SNX29: variants seen among roughly 807,000 people sequenced by gnomAD.
SNX29 encodes the protein sorting nexin 29.
Under a neutral mutation model 102.1 loss-of-function variants are expected in SNX29, and 78 were observed. That is an observed-to-expected ratio of 0.76 (90% CI 0.64 to 0.92). SNX29 has a LOEUF of 0.92. Ranked by LOEUF, SNX29 falls within the 40% of genes least tolerant of loss-of-function variation. SNX29 has a pLI of 0.00. For synonymous variants in SNX29, 580 were observed against 414.5 expected (o/e 1.40, Z -4.85); for missense variants, 1,280 against 1,061.7 (o/e 1.21, Z -2.86).
chr16:12,537,946 C>G (rs1279196930), intron 20 of SNX29, among the ~76,000 whole-genome samples: 3 of 147,826 alleles, frequency 2.0e-5, no homozygotes, highest in Non-Finnish European at 3.0e-5. Flanking sequence ...GATCGTGCCA[C>G]TGCACTCCAG....
intron 15 of SNX29, among the ~76,000 whole-genome samples, chr16:12,294,422 G>A (rs1290109757): frequency 2.0e-5 from 3 of 152,068 alleles, no homozygotes; most frequent in African/African-American, 7.2e-5. Context: ...CCCTCCGATG[G>A]GCTGAGAATG....
intron 13 of SNX29, among the ~76,000 whole-genome samples, chr16:12,192,718 T>C (rs369170647): frequency 6.6e-6 from 1 of 152,104 alleles, no homozygotes; most frequent in African/African-American, 2.4e-5. Flanking sequence ...ATTTATTTAT[T>C]TATTGAGACA....
intron 15 of SNX29, among the ~76,000 whole-genome samples, chr16:12,291,624 G>C (rs2079798117): frequency 6.6e-6 from 1 of 152,214 alleles, no homozygotes; most frequent in Admixed American, 6.5e-5. Context: ...AACAGCAAGA[G>C]TCTCTCCATT....
chr16:12,326,135 C>T (rs1050246010), intron 15 of SNX29, among the ~76,000 whole-genome samples: 8 of 151,796 alleles, frequency 5.3e-5, no homozygotes, highest in Non-Finnish European at 8.8e-5. Flanking sequence ...AAGCGATTCT[C>T]GTGCCTGGGA....
At chr16:12,388,599 A>G (rs774827095) in intron 16 of SNX29, among the ~76,000 whole-genome samples, 5 of 152,178 alleles carry the variant, frequency 3.3e-5, no homozygotes, top group African/African-American at 4.8e-5. Context: ...TGTCTCTCTC[A>G]CTGTTACTCC....
At chr16:12,549,805 C>G (rs1262420965) in intron 20 of SNX29, among the ~76,000 whole-genome samples, 1 of 152,246 alleles carries the variant, frequency 6.6e-6, no homozygotes, top group Non-Finnish European at 1.5e-5. Context: ...CCCATCATGG[C>G]TTCTGTGCCC....
intron 15 of SNX29, among the ~76,000 whole-genome samples, chr16:12,317,941 G>T (rs1045784922): frequency 6.6e-6 from 1 of 152,336 alleles, no homozygotes; most frequent in Middle Eastern, 3.4e-3. Flanking sequence ...CATTTCTACC[G>T]GCCTGGGGGA....
chr16:12,168,091 G>C (rs184497194), intron 13 of SNX29, among the ~76,000 whole-genome samples: 53 of 152,314 alleles, frequency 3.5e-4, no homozygotes, highest in South Asian at 2.7e-3. Context: ...GGCGTATTCT[G>C]GTGAGGAGGC....
chr16:12,169,526 T>C (rs930693048), intron 13 of SNX29, among the ~76,000 whole-genome samples: 1 of 152,082 alleles, frequency 6.6e-6, no homozygotes, highest in African/African-American at 2.4e-5. Context: ...CAAGGCAACA[T>C]GGACGTACTG....
intron 15 of SNX29, among the ~76,000 whole-genome samples, chr16:12,305,985 G>A (rs922189287): frequency 2.6e-5 from 4 of 151,776 alleles, no homozygotes; most frequent in Non-Finnish European, 5.9e-5. Context: ...AATAGTCCTC[G>A]TTTTATACTG....
At chr16:12,154,871 C>T (rs949376240) in intron 13 of SNX29, among the ~76,000 whole-genome samples, 1 of 152,232 alleles carries the variant, frequency 6.6e-6, no homozygotes. Context: ...TCATAAAGGG[C>T]TCCACCCTCA....
At chr16:12,320,808 T>C (rs1047166605) in intron 15 of SNX29, among the ~76,000 whole-genome samples, 6 of 152,190 alleles carry the variant, frequency 3.9e-5, no homozygotes, top group Admixed American at 1.3e-4. Flanking sequence ...CTAATCAGAA[T>C]CGTGTTCCAA....
At chr16:12,116,210 C>T (rs1211219322) in intron 11 of SNX29, among the ~76,000 whole-genome samples, 1 of 152,112 alleles carries the variant, frequency 6.6e-6, no homozygotes, top group Non-Finnish European at 1.5e-5. Context: ...GGTACACATC[C>T]AAAAGAACTG....
At chr16:12,190,209 G>A (rs1158992815) in intron 13 of SNX29, among the ~76,000 whole-genome samples, 1 of 152,078 alleles carries the variant, frequency 6.6e-6, no homozygotes, top group African/African-American at 2.4e-5. Flanking sequence ...AGTGCTGGAG[G>A]GTAGAGGCTT....
At chr16:12,434,538 T>G (rs1308841933) in intron 18 of SNX29, among the ~76,000 whole-genome samples, 5 of 152,072 alleles carry the variant, frequency 3.3e-5, no homozygotes. Context: ...GTAATATGTA[T>G]CTAAACCACT....
intron 19 of SNX29, among the ~76,000 whole-genome samples, chr16:12,499,955 G>T (rs961276809): frequency 1.3e-5 from 2 of 152,068 alleles, no homozygotes; most frequent in African/African-American, 4.8e-5. Flanking sequence ...AGGATTACAG[G>T]TATGAGCCAT....
chr16:12,070,281 C>T (rs1470366441), intron 10 of SNX29, among the ~76,000 whole-genome samples: 2 of 150,020 alleles, frequency 1.3e-5, no homozygotes, highest in East Asian at 4.0e-4. Context: ...CACCCATTAA[C>T]TCGTCATTTA....
At chr16:12,563,613 ACAGACGAGACTGT>A (rs2078855269) in intron 20 of SNX29, among the ~76,000 whole-genome samples, 1 of 139,066 alleles carries the variant, frequency 7.2e-6, no homozygotes. Context: ...ACCACATCTC[ACAGACGAGACTGT>A]CCTGGCCCCA....
At chr16:12,542,803 A>G (rs193162507) in intron 20 of SNX29, among the ~76,000 whole-genome samples, 27 of 152,048 alleles carry the variant, frequency 1.8e-4, no homozygotes, top group Admixed American at 1.3e-4. Context: ...TCAGCAAGTA[A>G]GTGAAGTTAA....
Sources: gnomAD v4.1 joint callset for allele counts (sites outside exome capture counted in the v4.1 genomes callset) on GRCh38, gnomAD v4.1.1 for gene constraint, MANE v1.5 for transcripts, NCBI Gene and HGNC (gene_info 2026-07-23, HGNC 2026-07-21) for gene names.